The following CAST variants were observed in gnomAD, a reference collection of about 807,000 sequenced individuals.
CAST encodes the protein calpastatin, also known as MIR583 host.
CAST carries 76 observed loss-of-function variants against 119.6 expected under a neutral mutation model. The ratio of observed to expected loss-of-function variants is 0.64; its 90% CI spans 0.53 to 0.77. CAST has a LOEUF of 0.77. CAST is among the 30% of genes least tolerant of loss of function. The probability of loss-of-function intolerance (pLI) is 0.00; values close to 1 mark genes in which losing one functional copy is unlikely to be tolerated. For synonymous variants in CAST, 319 were observed against 331.6 expected (o/e 0.96, Z 0.41); for missense variants, 953 against 946.5 (o/e 1.01, Z -0.09).
At chr5:96,283,784 C>T in the CAST span, among the ~76,000 whole-genome samples, 1 of 152,180 alleles carries the variant, frequency 6.6e-6, no homozygotes, top group South Asian at 2.1e-4. Flanking sequence ...TGTAAAGTGT[C>T]GTAAATCCAC....
At chr5:96,470,170 C>G in the CAST span, among the ~76,000 whole-genome samples, 1 of 150,772 alleles carries the variant, frequency 6.6e-6, no homozygotes, top group Non-Finnish European at 1.5e-5. Context: ...AAAAAACTAT[C>G]CTTAATAAAT....
At chr5:96,402,355 G>T in the CAST span, among the ~76,000 whole-genome samples, 4 of 152,158 alleles carry the variant, frequency 2.6e-5, no homozygotes, top group Non-Finnish European at 5.9e-5. Flanking sequence ...AAGGCCGCAG[G>T]CCCCCTGGCC....
chr5:96,158,272 A>C, the CAST span, among the ~76,000 whole-genome samples: 1 of 152,228 alleles, frequency 6.6e-6, no homozygotes, highest in Non-Finnish European at 1.5e-5. Context: ...AGACTAATCC[A>C]GGGAAGACTT....
At chr5:96,229,725 C>T in the CAST span, among the ~76,000 whole-genome samples, 2 of 151,922 alleles carry the variant, frequency 1.3e-5, no homozygotes, top group African/African-American at 4.8e-5. Flanking sequence ...TTTTTCACTC[C>T]CGTAATCTAT....
the CAST span, among the ~76,000 whole-genome samples, chr5:96,368,115 C>CT: frequency 4.8e-4 from 73 of 151,624 alleles, 1 homozygote; most frequent in Middle Eastern, 6.8e-3. Flanking sequence ...AATTACTTTT[C>CT]TTTTTTTTCC....
At chr5:96,289,815 A>C in the CAST span, among the ~76,000 whole-genome samples, 1 of 152,210 alleles carries the variant, frequency 6.6e-6, no homozygotes, top group African/African-American at 2.4e-5. Context: ...AGAGACAAAT[A>C]AATGAGGTGA....
At chr5:96,147,487 C>T in the CAST span, among the ~76,000 whole-genome samples, 212 of 152,108 alleles carry the variant, frequency 1.4e-3, no homozygotes, top group African/African-American at 4.9e-3. Flanking sequence ...CCTGTAGTCC[C>T]AGCTACTCAG....
At chr5:96,114,139 A>T in the CAST span, among the ~76,000 whole-genome samples, 1 of 152,204 alleles carries the variant, frequency 6.6e-6, no homozygotes, top group Non-Finnish European at 1.5e-5. Context: ...AAGTAAATAG[A>T]AGGTTGTTTT....
At chr5:96,211,706 T>C in the CAST span, among the ~76,000 whole-genome samples, 1 of 152,186 alleles carries the variant, frequency 6.6e-6, no homozygotes, top group African/African-American at 2.4e-5. Context: ...GTGTGTAAAG[T>C]TGGTGTTAAT....
At chr5:96,618,699 C>G (rs1025629441) in intron 1 of CAST, among the ~76,000 whole-genome samples, 2 of 151,510 alleles carry the variant, frequency 1.3e-5, no homozygotes, top group Admixed American at 6.6e-5. Flanking sequence ...GGCTCACTGA[C>G]GCCACCCTCA....
chr5:96,472,129 C>T, the CAST span, among the ~76,000 whole-genome samples: 2 of 152,148 alleles, frequency 1.3e-5, no homozygotes, highest in Non-Finnish European at 2.9e-5. Flanking sequence ...TTGGGGTCTA[C>T]AACTCCTGTG....
chr5:96,100,400 G>C, the CAST span, among the ~76,000 whole-genome samples: 1 of 152,284 alleles, frequency 6.6e-6, no homozygotes. Context: ...TCTGTGGTCT[G>C]TCTTGAGCCT....
the CAST span, among the ~76,000 whole-genome samples, chr5:96,434,711 G>C: frequency 3.3e-5 from 5 of 151,936 alleles, no homozygotes; most frequent in African/African-American, 1.2e-4. Flanking sequence ...TGGAAAGAAA[G>C]CATATAAACA....
At chr5:96,110,528 G>A in the CAST span, among the ~76,000 whole-genome samples, 1 of 152,150 alleles carries the variant, frequency 6.6e-6, no homozygotes, top group African/African-American at 2.4e-5. Context: ...CTGCTTTGAA[G>A]AGATTATCAC....
At chr5:96,677,083 T>C (rs1472481072) in intron 2 of CAST, among the ~76,000 whole-genome samples, 1 of 152,060 alleles carries the variant, frequency 6.6e-6, no homozygotes, top group Non-Finnish European at 1.5e-5. Flanking sequence ...CTAGTGTCAT[T>C]TAACTCATTT....
At chr5:96,711,431 A>G (rs1360773770) in intron 3 of CAST, among the ~76,000 whole-genome samples, 2 of 152,238 alleles carry the variant, frequency 1.3e-5, no homozygotes, top group Admixed American at 1.3e-4. Flanking sequence ...ACTCTACAGG[A>G]TGTAGATTTT....
chr5:96,600,978 C>G (rs1386759865), intron 1 of CAST, among the ~76,000 whole-genome samples: 2 of 152,094 alleles, frequency 1.3e-5, no homozygotes, highest in African/African-American at 4.8e-5. Context: ...CTCTGTTTTC[C>G]TTCTGCTTTT....
chr5:96,629,598 T>A (rs1351370251), intron 1 of CAST, among the ~76,000 whole-genome samples: 2 of 152,206 alleles, frequency 1.3e-5, no homozygotes, highest in Non-Finnish European at 2.9e-5. Flanking sequence ...TTTCAGACAG[T>A]GAACATAGTG....
intron 1 of CAST, among the ~76,000 whole-genome samples, chr5:96,673,975 A>G (rs1750415641): frequency 6.6e-6 from 1 of 152,202 alleles, no homozygotes; most frequent in African/African-American, 2.4e-5. Context: ...CTGGGTAAGA[A>G]TTGTAGAGTC....
Sources: allele counts gnomAD v4.1 joint callset (sites outside exome capture counted in the v4.1 genomes callset), GRCh38; gene constraint gnomAD v4.1.1; transcripts MANE v1.5; gene names NCBI Gene and HGNC (gene_info 2026-07-23, HGNC 2026-07-21).